Variants in TLN2 observed in about 807,000 individuals in gnomAD.
TLN2 encodes the protein talin-2.
In TLN2, 118 loss-of-function variants were observed where a neutral mutation model predicts 294.7. The ratio of observed to expected loss-of-function variants is 0.40; its 90% CI spans 0.34 to 0.47. TLN2 has a LOEUF of 0.47. Ranked by LOEUF, TLN2 falls within the 20% of genes least tolerant of loss-of-function variation. TLN2 has a pLI of 0.84. For synonymous variants in TLN2, 1,431 were observed against 1,304.5 expected (o/e 1.10, Z -2.09); for missense variants, 3,083 against 3,282.2 (o/e 0.94, Z 1.48).
intron 1 of TLN2, among the ~76,000 whole-genome samples, chr15:62,554,320 G>C (rs1209573117): frequency 6.7e-6 from 1 of 149,230 alleles, no homozygotes; most frequent in Admixed American, 6.8e-5. Context: ...CGTAGATAAA[G>C]ATTTCCTTGA....
At chr15:62,468,235 C>G (rs961978148) in intron 1 of TLN2, among the ~76,000 whole-genome samples, 1 of 151,962 alleles carries the variant, frequency 6.6e-6, no homozygotes, top group Non-Finnish European at 1.5e-5. Context: ...AAGAGTTGAC[C>G]TAAACTAGGA....
intron 42 of TLN2, among the ~76,000 whole-genome samples, chr15:62,771,444 C>T (rs772654902): frequency 1.4e-4 from 22 of 152,204 alleles, no homozygotes; most frequent in Non-Finnish European, 1.9e-4. Flanking sequence ...TCAGCACTGA[C>T]ACCCAGCTTG....
At chr15:62,414,270 T>C (rs2033957775) in intron 1 of TLN2, among the ~76,000 whole-genome samples, 1 of 134,378 alleles carries the variant, frequency 7.4e-6, no homozygotes, top group Non-Finnish European at 1.6e-5. Flanking sequence ...TTTGAGAATG[T>C]GGGGGAGGAG....
intron 57 of TLN2, among the ~76,000 whole-genome samples, chr15:62,837,069 A>G (rs2069754293): frequency 6.6e-6 from 1 of 152,208 alleles, no homozygotes; most frequent in Non-Finnish European, 1.5e-5. Context: ...TGTAAGTGTT[A>G]AAATGTAGAT....
At position 62,737,085 on chromosome 15, in the gene TLN2, AG is replaced by A; in HGVS notation, c.3567+1del. 6.2e-7 allele frequency: 1 copy of A among 1,614,110 alleles called. No homozygotes were observed. The highest frequency in any genetic ancestry group is 8.5e-7 in the Non-Finnish European group (1 of 1,179,992). On this transcript the variant is annotated frameshift_variant and splice_region_variant, in exon 29 of 59. Coordinates refer to ENST00000636159, the MANE Select transcript of TLN2 (RefSeq NM_015059.3). LOFTEE classifies it high-confidence loss of function. Reference sequence around the variant, plus strand: ...GCAGAGCGTCAACAAAGACTGGCTCAGGTGAGGCTAGGAATGAGAAATTGTG... The same window carrying A: ...GCAGAGCGTCAACAAAGACTGGCTCAGTGAGGCTAGGAATGAGAAATTGTG... ...GDAERQQRLA[Q>X]VAKAVSHSLN... is the part of the protein sequence containing the mutation.
At chr15:62,577,171 C>A (rs1425429999) in intron 1 of TLN2, among the ~76,000 whole-genome samples, 1 of 152,192 alleles carries the variant, frequency 6.6e-6, no homozygotes, top group African/African-American at 2.4e-5. Flanking sequence ...TTGCCGGGCG[C>A]GGTGGCTCAC....
intron 1 of TLN2, among the ~76,000 whole-genome samples, chr15:62,482,252 A>G (rs1052682511): frequency 6.6e-6 from 1 of 152,228 alleles, no homozygotes; most frequent in South Asian, 2.1e-4. Context: ...CTTATGGACA[A>G]TTCTATAGAA....
intron 23 of TLN2, among the ~76,000 whole-genome samples, chr15:62,717,275 G>C (rs979508832): frequency 1.3e-5 from 2 of 152,110 alleles, no homozygotes; most frequent in African/African-American, 2.4e-5. Flanking sequence ...TAGACTTGGT[G>C]CAGCTTGTCA....
intron 24 of TLN2, among the ~76,000 whole-genome samples, chr15:62,718,777 C>T (rs966364602): frequency 6.6e-6 from 1 of 152,210 alleles, no homozygotes; most frequent in Non-Finnish European, 1.5e-5. Context: ...GCATGTGCTG[C>T]TCACATGCAG....
intron 7 of TLN2, among the ~76,000 whole-genome samples, chr15:62,654,052 T>TA (rs1304085625): frequency 6.6e-6 from 1 of 152,242 alleles, no homozygotes. Flanking sequence ...CTCACCAATG[T>TA]ATCTTTTTTT....
intron 2 of TLN2, among the ~76,000 whole-genome samples, chr15:62,594,762 G>A (rs2046346089): frequency 6.6e-6 from 1 of 152,134 alleles, no homozygotes; most frequent in Non-Finnish European, 1.5e-5. Context: ...GATGTTTTTG[G>A]ATATAAACAC....
chr15:62,586,034 G>A (rs2045573656), intron 1 of TLN2, among the ~76,000 whole-genome samples: 1 of 128,136 alleles, frequency 7.8e-6, no homozygotes, highest in African/African-American at 2.6e-5. Context: ...GAGAGGTTAA[G>A]GCATACCAAG....
chr15:62,792,603 C>T, intron 45 of TLN2, 38 bp from the exon 46 acceptor site: 1 of 1,605,068 alleles, frequency 6.2e-7, no homozygotes. Flanking sequence ...CAGAGTCCAT[C>T]ACGCTTCTCC....
In TLN2 at chr15:62,657,873, C is replaced by T; in HGVS notation, c.763C>T (p.His255Tyr). The T allele has an allele frequency of 1.2e-6, 2 of 1,613,222 alleles. No homozygotes were observed. Among genetic ancestry groups the T allele is most frequent in the Non-Finnish European group, 1.7e-6 (2 of 1,179,704 alleles). Residue 255 changes from histidine to tyrosine, a missense_variant, in exon 9 of 59, where the codon CAT (histidine) becomes TAT (tyrosine). By Grantham distance (83) the His-to-Tyr change is moderately conservative (BLOSUM62 2). Transcript: ENST00000636159. ...GATACAATTTGGACCTCATGTGGAA[C>T]ATAAACACAAACCTGGATTTTTAGA... ...AQIQFGPHVE[H>Y]KHKPGFLDLK...
intron 3 of TLN2, among the ~76,000 whole-genome samples, chr15:62,642,030 C>G (rs113098133): frequency 1.3e-5 from 2 of 152,196 alleles, no homozygotes; most frequent in African/African-American, 2.4e-5. Context: ...TATATTTTAA[C>G]AGGACAATGT....
chr15:62,580,596 A>C (rs1412214792), intron 1 of TLN2, among the ~76,000 whole-genome samples: 1 of 152,030 alleles, frequency 6.6e-6, no homozygotes, highest in African/African-American at 2.4e-5. Context: ...TTTTTTGTAG[A>C]GATGGGGTTT....
At chr15:62,790,047 C>T (rs8026446) in intron 45 of TLN2, among the ~76,000 whole-genome samples, 114,831 of 152,058 alleles carry the variant, frequency 0.76, 43,555 homozygotes, top group Non-Finnish European at 0.8. Flanking sequence ...CTGCCTTGTC[C>T]GCAGTGGTCA....
intron 1 of TLN2, among the ~76,000 whole-genome samples, chr15:62,410,346 TAAATA>T (rs1555403625): frequency 6.6e-6 from 1 of 152,094 alleles, no homozygotes; most frequent in Non-Finnish European, 1.5e-5. Context: ...AAGTTAGAGA[TAAATA>T]AAGTAAAAAC....
intron 32 of TLN2, among the ~76,000 whole-genome samples, chr15:62,745,623 T>C (rs1038173046): frequency 6.6e-6 from 1 of 152,242 alleles, no homozygotes; most frequent in Non-Finnish European, 1.5e-5. Context: ...CATATATTCA[T>C]CTCTGACATT....
Sources: allele counts gnomAD v4.1 joint callset (sites outside exome capture counted in the v4.1 genomes callset), GRCh38; gene constraint gnomAD v4.1.1; transcripts MANE v1.5; gene names NCBI Gene and HGNC (gene_info 2026-07-23, HGNC 2026-07-21).